ADAM18: variants seen among roughly 807,000 people sequenced by gnomAD.
ADAM18 encodes disintegrin and metalloproteinase domain-containing protein 18.
Under a neutral mutation model 94.4 loss-of-function variants are expected in ADAM18, and 117 were observed. The ratio of observed to expected loss-of-function variants is 1.24; its 90% CI spans 1.07 to 1.45. The LOEUF is 1.45. ADAM18 is among the 40% of genes most tolerant of loss of function. The pLI is 0.00. For missense variants in ADAM18, 936 were observed against 880.0 expected (o/e 1.06, Z -0.81); for synonymous variants, 327 against 291.6 (o/e 1.12, Z -1.24).
chr8:39,728,399 T>C (rs1822981169), intron 19 of ADAM18, among the ~76,000 whole-genome samples: 1 of 152,186 alleles, frequency 6.6e-6, no homozygotes, highest in Non-Finnish European at 1.5e-5. Context: ...AGTAACTGTA[T>C]TATTTATCAT....
chr8:39,694,541 C>A (rs988847411), intron 17 of ADAM18, among the ~76,000 whole-genome samples: 1 of 151,224 alleles, frequency 6.6e-6, no homozygotes, highest in Non-Finnish European at 1.5e-5. Flanking sequence ...GATTTTGTAT[C>A]AAGGTTATGC....
At chr8:39,627,436 C>T (rs542723396) in intron 6 of ADAM18, among the ~76,000 whole-genome samples, 6 of 149,106 alleles carry the variant, frequency 4.0e-5, no homozygotes, top group Non-Finnish European at 7.4e-5. Flanking sequence ...GGGATTATTA[C>T]CATATTTAGG....
intron 7 of ADAM18, among the ~76,000 whole-genome samples, chr8:39,633,459 T>G (rs980370172): frequency 2.0e-5 from 3 of 152,076 alleles, no homozygotes; most frequent in Non-Finnish European, 4.4e-5. Context: ...TTTTTAGAAA[T>G]TACTTAAGTG....
intron 6 of ADAM18, among the ~76,000 whole-genome samples, chr8:39,628,416 A>AATAGATAGATAGATAG (rs10689403): frequency 2.0e-5 from 3 of 148,292 alleles, no homozygotes; most frequent in African/African-American, 5.0e-5. Context: ...CTGATAGATC[A>AATAGATAGATAGATAG]ATAGATAGAT....
In ADAM18 at chr8:39,629,447, T is replaced by A. The variant is rs1563282064; in HGVS notation, c.588+8T>A. Reference sequence around the variant, plus strand: ...ATAGTGGAAAAAGCTTTGGTAAGTATGCTTTCAAGAGGTCTTTCAAGAAGG... The same window carrying A: ...ATAGTGGAAAAAGCTTTGGTAAGTAAGCTTTCAAGAGGTCTTTCAAGAAGG... On this transcript the variant is annotated splice_region_variant and intron_variant, in intron 7 of 19. Coordinates refer to ENST00000265707, the MANE Select transcript of ADAM18 (RefSeq NM_014237.3). 1.3e-6 allele frequency: 2 copies of A among 1,557,552 alleles called. No individual in the cohort carries two copies. Among genetic ancestry groups the A allele is most frequent in the Non-Finnish European group, 1.7e-6 (2 of 1,147,374 alleles).
chr8:39,619,860 C>T (rs1819555693), intron 6 of ADAM18, among the ~76,000 whole-genome samples: 1 of 151,994 alleles, frequency 6.6e-6, no homozygotes, highest in Admixed American at 6.6e-5. Flanking sequence ...ATTCTAATAC[C>T]AGTCTTTACA....
At chr8:39,662,639 A>G (rs1299900317) in intron 12 of ADAM18, among the ~76,000 whole-genome samples, 1 of 152,052 alleles carries the variant, frequency 6.6e-6, no homozygotes, top group Non-Finnish European at 1.5e-5. Flanking sequence ...TTGTTTATTT[A>G]TTTGAGATGT....
intron 6 of ADAM18, among the ~76,000 whole-genome samples, chr8:39,617,451 TG>T (rs1272297006): frequency 6.6e-6 from 1 of 152,060 alleles, no homozygotes; most frequent in Non-Finnish European, 1.5e-5. Context: ...TCAGAGAACA[TG>T]GAACTATCAT....
chr8:39,624,370 G>T (rs1443166324), intron 6 of ADAM18, among the ~76,000 whole-genome samples: 1 of 152,134 alleles, frequency 6.6e-6, no homozygotes, highest in African/African-American at 2.4e-5. Context: ...TCCACATGTG[G>T]CTATCCAGTA....
At chr8:39,603,464 T>C (rs1199691722) in intron 2 of ADAM18, among the ~76,000 whole-genome samples, 1 of 152,216 alleles carries the variant, frequency 6.6e-6, no homozygotes, top group East Asian at 1.9e-4. Flanking sequence ...TTTGTATCTG[T>C]TTGCCTTTTT....
chr8:39,615,634 C>T (rs1217545504), intron 6 of ADAM18, among the ~76,000 whole-genome samples: 1 of 152,142 alleles, frequency 6.6e-6, no homozygotes, highest in East Asian at 1.9e-4. Context: ...TGGAAGCATT[C>T]CTCTTAAGAA....
intron 6 of ADAM18, chr8:39,610,958 A>G (rs1237866651): frequency 1.6e-6 from 2 of 1,216,146 alleles, no homozygotes; most frequent in Non-Finnish European, 2.1e-6. Context: ...ACTATTGAAA[A>G]AGTTTAGAAA....
chr8:39,621,309 T>TCACACACACACACACA (rs55818122), intron 6 of ADAM18, among the ~76,000 whole-genome samples: 2 of 128,856 alleles, frequency 1.6e-5, no homozygotes, highest in South Asian at 2.7e-4. Context: ...CATGACAAAA[T>TCACACACACACACACA]CACACACACA....
At chr8:39,594,852 G>A (rs896216536) in intron 2 of ADAM18, among the ~76,000 whole-genome samples, 1 of 105,322 alleles carries the variant, frequency 9.5e-6, no homozygotes, top group East Asian at 2.7e-4. Context: ...ATAGTTTCTA[G>A]CTTCTTAAAT....
At chr8:39,623,304 A>G (rs1422724622) in intron 6 of ADAM18, among the ~76,000 whole-genome samples, 1 of 152,164 alleles carries the variant, frequency 6.6e-6, no homozygotes, top group Non-Finnish European at 1.5e-5. Flanking sequence ...GCTGGAGTAA[A>G]CATATGTGTG....
chr8:39,713,230 T>C (rs892671181), intron 18 of ADAM18, among the ~76,000 whole-genome samples: 5 of 152,340 alleles, frequency 3.3e-5, no homozygotes, highest in African/African-American at 1.2e-4. Flanking sequence ...GAAAACTGGC[T>C]AGTCGCATGT....
chr8:39,614,410 A>G (rs1819376186), intron 6 of ADAM18, among the ~76,000 whole-genome samples: 1 of 152,240 alleles, frequency 6.6e-6, no homozygotes, highest in South Asian at 2.1e-4. Flanking sequence ...TCCTTTTCAG[A>G]CAAGCAAATG....
intron 5 of ADAM18, 127 bp downstream of exon 5, chr8:39,609,688 A>G: frequency 3.3e-6 from 2 of 611,416 alleles, no homozygotes; most frequent in East Asian, 2.8e-5. Flanking sequence ...TTTCTTTCTA[A>G]CAGCTTTATT....
chr8:39,598,800 G>C (rs1157622853), intron 2 of ADAM18, among the ~76,000 whole-genome samples: 1 of 151,382 alleles, frequency 6.6e-6, no homozygotes, highest in Admixed American at 6.6e-5. Context: ...AAAAAGAAAA[G>C]GGTGTTGGAT....
Sources: allele counts gnomAD v4.1 joint callset (sites outside exome capture counted in the v4.1 genomes callset), GRCh38; gene constraint gnomAD v4.1.1; transcripts MANE v1.5; gene names NCBI Gene and HGNC (gene_info 2026-07-23, HGNC 2026-07-21).